The following DDX5 variants were observed in gnomAD, a reference collection of about 807,000 sequenced individuals.
DDX5 encodes probable ATP-dependent RNA helicase DDX5.
Under a neutral mutation model 68.6 loss-of-function variants are expected in DDX5, and 6 were observed. The ratio of observed to expected loss-of-function variants is 0.09; its 90% CI spans 0.05 to 0.17. The LOEUF (loss-of-function observed/expected upper bound fraction) is 0.17. DDX5 is among the 10% of genes least tolerant of loss of function. DDX5 has a pLI of 1.00. For missense variants in DDX5, 499 were observed against 756.1 expected (o/e 0.66, Z 3.99); for synonymous variants, 350 against 247.0 (o/e 1.42, Z -3.91).
intron 5 of DDX5, 23 bp downstream of exon 5, chr17:64,503,780 A>G: frequency 6.2e-7 from 1 of 1,603,732 alleles, no homozygotes. Context: ...GCTTCTAATA[A>G]AAAGTTAAAA....
In DDX5 at chr17:64,498,708, A is replaced by C. The variant is rs541399485; in HGVS notation, c.*1215T>G. ...AAGACCTCTCTTCTGGCAAAAAAAA[A>C]CACGTATCAGACTCTGGGAAAACAT... On this transcript the variant is annotated 3_prime_UTR_variant, in exon 13 of 13. Transcript: ENST00000225792. Among the ~76,000 whole-genome samples, 27 of 152,284 alleles carry C rather than the reference A, an allele frequency of 1.8e-4. No individual in the cohort carries two copies. Among genetic ancestry groups the C allele is most frequent in the Non-Finnish European group, 3.1e-4 (21 of 68,030 alleles).
At position 64,503,432 on chromosome 17, in the gene DDX5, C is replaced by G. The variant is rs1555671467; in HGVS notation, c.647G>C (p.Arg216Thr). Residue 216 changes from arginine to threonine, a missense_variant and splice_region_variant, in exon 6 of 13, where the codon AGA (arginine) becomes ACA (threonine). Around this residue, in one of 5 missense-constraint regions of DDX5, gnomAD observed 141 missense variants for 279.8 expected, o/e 0.50. Transcript: ENST00000225792. ...PKGPQIRDLE[R>T]GVEICIATPG... ...ATAAAACCCTTTTCATTACATACCT[C>G]TCTCCAAATCACGTATTTGTGGTCC... 6.2e-7 allele frequency: 1 copy of G among 1,614,236 alleles called. No individual in the cohort carries two copies.
upstream of DDX5, chr17:64,506,410 T>C (rs1598160554): frequency 7.2e-7 from 1 of 1,389,258 alleles, no homozygotes; most frequent in East Asian, 2.8e-5. Flanking sequence ...CAACGCCCGC[T>C]GGCGTTCCAG....
intron 10 of DDX5, 33 bp downstream of exon 10, chr17:64,502,129 A>G (rs1555671194): frequency 3.1e-6 from 5 of 1,613,986 alleles, no homozygotes; most frequent in East Asian, 2.2e-5. Flanking sequence ...TAGGTTAAGT[A>G]AGGGGGAAAA....
At chr17:64,505,397 T>C (rs981490318) in intron 1 of DDX5, 1 of 493,580 alleles carries the variant, frequency 2.0e-6, no homozygotes, top group Admixed American at 3.5e-5. Flanking sequence ...GAATCAAAAT[T>C]ATATAACGCA....
chr17:64,506,436 A>AC (rs2144294356), upstream of DDX5: 2 of 1,335,968 alleles, frequency 1.5e-6, no homozygotes, highest in Non-Finnish European at 1.9e-6. Flanking sequence ...CCGCGCTTTC[A>AC]CCCCTCCCCG....
chr17:64,502,665 G>GA (rs1483730203), intron 8 of DDX5, 116 bp from the exon 9 acceptor site: 1 of 812,956 alleles, frequency 1.2e-6, no homozygotes, highest in Non-Finnish European at 1.9e-6. Flanking sequence ...AGTCAAAGAG[G>GA]AAACGCCTGC....
intron 1 of DDX5, chr17:64,505,246 T>C (rs915575303): frequency 3.9e-6 from 1 of 255,730 alleles, no homozygotes; most frequent in African/African-American, 2.3e-5. Flanking sequence ...ATGTTACTCA[T>C]ATGGCCGTTT....
rs1307015247 is a variant in DDX5, at chr17:64,506,148, C to T, written c.-29G>A. 18 of 1,607,722 alleles carry T rather than the reference C, an allele frequency of 1.1e-5. No homozygotes were observed. The highest frequency in any genetic ancestry group is 2.7e-5 in the African/African-American group (2 of 74,736). ...GTCAATGGTTGCGGTTGGCGGGGAA[C>T]GAAGTATATAGAAAAGCGTGCGACA... On this transcript the variant is annotated 5_prime_UTR_variant, in exon 1 of 13. Coordinates refer to ENST00000225792, the MANE Select transcript of DDX5 (RefSeq NM_004396.5).
rs2038385119 is a variant in DDX5 at position 64,504,798 on chromosome 17, G to A, written c.89C>T (p.Ser30Phe). The A allele has an allele frequency of 1.2e-6, 2 of 1,613,706 alleles. No homozygotes were observed. Among genetic ancestry groups the A allele is most frequent in the South Asian group, 1.1e-5 (1 of 91,000 alleles). ...RFGGSRAGPL[S>F]GKKFGNPGEK... ...CCCAGGGTTTCCAAACTTCTTTCCA[G>A]ATAAGGGCCCTGCCCTACTTCCTCC... Residue 30 changes from serine (S) to phenylalanine (F), a missense_variant, in exon 2 of 13, where the codon TCT becomes TTT. By Grantham distance (155) the Ser-to-Phe change is radical. Around this residue, in one of 5 missense-constraint regions of DDX5, gnomAD observed 140 missense variants for 135.7 expected, o/e 1.03. Transcript: ENST00000225792.
rs772850784 is a variant in DDX5, at chr17:64,500,959, CAT to C, written c.1217-188_1217-187del. ...GAGGTTGAAAAAAGAAAAAAAAGCA[CAT>C]GTCATCTGTATAATTCATCACCCAC... is the stretch of plus-strand genomic sequence containing the variant. On this transcript the variant is annotated intron_variant, in intron 11 of 12. Transcript: ENST00000225792. 507 of 601,552 alleles carry C rather than the reference CAT, an allele frequency of 8.4e-4. 2 individuals are homozygous for C. The highest frequency in any genetic ancestry group is 1.8e-3 in the Middle Eastern group (4 of 2,282). 37.3% of individuals were successfully genotyped at this position (601,552 alleles called of 1,614,324 possible).
chr17:64,506,164 G>C lies in DDX5; in HGVS notation c.-45C>G. On this transcript the variant is annotated 5_prime_UTR_variant, in exon 1 of 13. Coordinates refer to ENST00000225792, the MANE Select transcript of DDX5 (RefSeq NM_004396.5). ...GGCGGGGAACGAAGTATATAGAAAA[G>C]CGTGCGACAAGTCGCTGGAAATGGC... 1 of 1,600,922 alleles carries C rather than the reference G, an allele frequency of 6.2e-7. No homozygotes were observed. The highest frequency in any genetic ancestry group is 8.5e-7 in the Non-Finnish European group (1 of 1,174,066).
chr17:64,502,788 G>C, intron 8 of DDX5, 138 bp downstream of exon 8: 1 of 919,552 alleles, frequency 1.1e-6, no homozygotes, highest in South Asian at 1.9e-5. Context: ...AAGGATTCAA[G>C]AAATTTTCAG....
intron 7 of DDX5, 37 bp downstream of exon 7, chr17:64,503,151 C>T: frequency 1.2e-6 from 2 of 1,612,770 alleles, no homozygotes; most frequent in Admixed American, 1.7e-5. Context: ...AGTGAAAACA[C>T]AATTCAGTTT....
In DDX5 at chr17:64,499,573, A is replaced by G; in HGVS notation, c.*350T>C. ...AAAAAAAAACCAGACCATCTTAAGCAAAGTTTTACATGACATTATATAAAA... is the reference window on the plus strand; with the variant it reads ...AAAAAAAAACCAGACCATCTTAAGCGAAGTTTTACATGACATTATATAAAA... On this transcript the variant is annotated 3_prime_UTR_variant, in exon 13 of 13. Transcript: ENST00000225792. 1 of 244,180 alleles carries G rather than the reference A, an allele frequency of 4.1e-6. No homozygotes were observed. 15.1% of individuals were successfully genotyped at this position (244,180 alleles called of 1,614,324 possible).
chr17:64,506,244 A>T lies in DDX5; in HGVS notation c.-125T>A. On this transcript the variant is annotated 5_prime_UTR_variant, in exon 1 of 13. Transcript: ENST00000225792. Reference sequence around the variant, plus strand: ...GCAGCGGAGGAAGGACACCGATGACACCAGCCGAAGCTGCACTACTAGAGA... The same window carrying T: ...GCAGCGGAGGAAGGACACCGATGACTCCAGCCGAAGCTGCACTACTAGAGA... 6.5e-7 allele frequency: 1 copy of T among 1,549,064 alleles called. No individual in the cohort carries two copies. The highest frequency in any genetic ancestry group is 2.0e-5 in the Admixed American group (1 of 51,066).
Position 64,501,964 on chromosome 17 carries a change from G to A in DDX5, c.1216+46C>T, listed in dbSNP as rs782184890. 1.3e-6 allele frequency: 2 copies of A among 1,576,860 alleles called. 1 individual carries two copies. The highest frequency in any genetic ancestry group is 2.3e-5 in the South Asian group (2 of 87,932). On this transcript the variant is annotated intron_variant, in intron 11 of 12. Transcript: ENST00000225792. Reference sequence around the variant, plus strand: ...TAAACTTTCTTTAAAAAAGTTAAATGGAGATCTTCTGGGAAACCAAGCCAT... The same window carrying A: ...TAAACTTTCTTTAAAAAAGTTAAATAGAGATCTTCTGGGAAACCAAGCCAT...
chr17:64,500,780 GGTGTTGCAGTGTGGCA>G lies in DDX5; in HGVS notation c.1217-23_1217-8del. 4 of 1,607,654 alleles carry G rather than the reference GGTGTTGCAGTGTGGCA, an allele frequency of 2.5e-6. No individual in the cohort carries two copies. The highest frequency in any genetic ancestry group is 3.4e-6 in the Non-Finnish European group (4 of 1,174,260). On this transcript the variant is annotated splice_polypyrimidine_tract_variant and splice_region_variant and intron_variant, in intron 11 of 12. Transcript: ENST00000225792. ...AATTTCACATCTTCCACATCTGTAA[GGTGTTGCAGTGTGGCA>G]AAATAGCAATGTACGGAGTTTTGCA... is the stretch of plus-strand genomic sequence containing the variant.
In DDX5 at chr17:64,503,045, C is replaced by T. The variant is rs56025355; in HGVS notation, c.864G>A (p.Gln288=). ...AGTCTTTCAGGAAATCTTCAGCAAG[C>T]TGTCTTACTTCTTTTGGCCAAGTCG... ...WSATWPKEVR[Q]LAEDFLKDYI... is the part of the protein sequence containing the mutation. The change falls in exon 8 of 13, where the codon CAG becomes CAA. Residue 288 remains glutamine (Q), a synonymous_variant. Coordinates refer to ENST00000225792, the MANE Select transcript of DDX5 (RefSeq NM_004396.5). 14,322 of 1,614,088 alleles carry T rather than the reference C, an allele frequency of 8.9e-3. 91 individuals carry two copies. The highest frequency in any genetic ancestry group is 0.01 in the Non-Finnish European group (11,990 of 1,179,984).
Sources: gnomAD v4.1 joint callset for allele counts (sites outside exome capture counted in the v4.1 genomes callset) on GRCh38, gnomAD v4.1.1 for gene constraint, gnomAD v4.1.1 regional missense constraint, MANE v1.5 for transcripts, NCBI Gene and HGNC (gene_info 2026-07-23, HGNC 2026-07-21) for gene names.